Variants in ACSL5 observed in about 807,000 individuals in gnomAD.
ACSL5 encodes the protein long-chain-fatty-acid--CoA ligase 5.
In ACSL5, 50 loss-of-function variants were observed where a neutral mutation model predicts 84.9. The observed-to-expected ratio is 0.59, with a 90% CI of 0.47 to 0.75. ACSL5 has a LOEUF of 0.75. ACSL5 is among the 30% of genes least tolerant of loss of function. ACSL5 has a pLI of 0.00. For missense variants in ACSL5, 775 were observed against 830.4 expected, an observed-to-expected ratio of 0.93 and a Z score of 0.82; for synonymous variants, 280 against 300.7, an observed-to-expected ratio of 0.93 and a Z score of 0.71.
chr10:112,376,577 G>T, intron 1 of ACSL5: 1 of 1,312,152 alleles, frequency 7.6e-7, no homozygotes, highest in Non-Finnish European at 1.1e-6. Context: ...TGAGTTCCAC[G>T]GGCACATCAT....
Position 112,426,857 on chromosome 10 carries a change from C to T in ACSL5, c.1909C>T (p.Gln637Ter). Reference protein sequence around the residue: ...GKESGLKTFEQVKAIFLHPEP... With the variant: ...GKESGLKTFE ...AGAAAGTGGCCTTAAAACTTTTGAA[C>T]AGGTGTGTGCTACCACTGATGTTAT... Residue 637 changes from glutamine (Q) to a stop codon, truncating the protein, a stop_gained and splice_region_variant, in exon 20 of 21, where the codon CAG (glutamine) becomes TAG (stop). Coordinates refer to ENST00000354655, the MANE Select transcript of ACSL5 (RefSeq NM_203379.2). LOFTEE classifies it high-confidence loss of function. 1 of 1,610,510 alleles carries T rather than the reference C, an allele frequency of 6.2e-7. No homozygotes were observed. Among genetic ancestry groups the T allele is most frequent in the Non-Finnish European group, 8.5e-7 (1 of 1,176,768 alleles).
rs531114802 is a variant in ACSL5 at position 112,399,000 on chromosome 10, G to A, written c.256G>A (p.Ala86Thr). 23 of 1,613,286 alleles carry A rather than the reference G, an allele frequency of 1.4e-5. No individual in the cohort carries two copies. The East Asian group carries it at 1.6e-4, about 11-fold the overall frequency. ...GTATGAGGTTTTCCAAAGAGGACTC[G>A]CTGTGTCTGGTAAGCCTGGTGGTCT... ...TMYEVFQRGL[A>T]VSDNGPCLGY... is the part of the protein sequence containing the mutation. Residue 86 changes from alanine (A) to threonine (T), a missense_variant, in exon 3 of 21, where the codon GCT (alanine) becomes ACT (threonine). Coordinates refer to ENST00000354655, the MANE Select transcript of ACSL5 (RefSeq NM_203379.2).
intron 1 of ACSL5, among the ~76,000 whole-genome samples, chr10:112,374,501 GA>G (rs1455365580): frequency 6.6e-6 from 1 of 152,186 alleles, no homozygotes; most frequent in African/African-American, 2.4e-5. Context: ...GCTAGCAGGG[GA>G]TGGAATTGGA....
chr10:112,404,413 T>C, intron 3 of ACSL5, 98 bp from the exon 4 acceptor site: 2 of 870,588 alleles, frequency 2.3e-6, no homozygotes, highest in Non-Finnish European at 3.7e-6. Flanking sequence ...TTGTTGGACT[T>C]ACCCTTTGTG....
intron 4 of ACSL5, 33 bp from the exon 5 acceptor site, chr10:112,404,668 TTCTC>T: frequency 1.9e-6 from 3 of 1,590,824 alleles, no homozygotes; most frequent in Non-Finnish European, 1.7e-6. Context: ...TCTTGACCTC[TTCTC>T]TCTCTCTCTC....
At chr10:112,411,629 C>T (rs1748470102) in intron 10 of ACSL5, 100 bp downstream of exon 10, 12 of 531,280 alleles carry the variant, frequency 2.3e-5, no homozygotes, top group Non-Finnish European at 3.0e-5. Flanking sequence ...CACACACATA[C>T]ACACACACAC....
chr10:112,409,737 G>A (rs1381843345), intron 7 of ACSL5, 52 bp downstream of exon 7: 1 of 1,570,862 alleles, frequency 6.4e-7, no homozygotes, highest in Non-Finnish European at 8.7e-7. Flanking sequence ...AACACCTTGG[G>A]CAACTTGCAA....
At chr10:112,383,054 A>G (rs1318262313) in intron 1 of ACSL5, among the ~76,000 whole-genome samples, 1 of 152,212 alleles carries the variant, frequency 6.6e-6, no homozygotes, top group Non-Finnish European at 1.5e-5. Flanking sequence ...GGATCGCTTC[A>G]GCCCAGGAGT....
At chr10:112,401,904 CT>C (rs1407062872) in intron 3 of ACSL5, among the ~76,000 whole-genome samples, 10 of 142,932 alleles carry the variant, frequency 7.0e-5, no homozygotes, top group Non-Finnish European at 1.5e-4. Context: ...CTTTCCTTTT[CT>C]TTCTTTCTTT....
chr10:112,374,648 A>G (rs1849205351), intron 1 of ACSL5, among the ~76,000 whole-genome samples: 1 of 152,180 alleles, frequency 6.6e-6, no homozygotes, highest in Non-Finnish European at 1.5e-5. Flanking sequence ...AGAGAGTCCC[A>G]TTTGGCAGAC....
intron 7 of ACSL5, among the ~76,000 whole-genome samples, chr10:112,409,966 A>G (rs1261915873): frequency 6.6e-6 from 1 of 152,206 alleles, no homozygotes; most frequent in Non-Finnish European, 1.5e-5. Flanking sequence ...TCCTGGAGCC[A>G]GGCTGCTTGG....
intron 1 of ACSL5, among the ~76,000 whole-genome samples, chr10:112,392,290 G>A (rs1415859653): frequency 6.6e-6 from 1 of 150,832 alleles, no homozygotes; most frequent in South Asian, 2.1e-4. Flanking sequence ...TGGGCAGCAT[G>A]GTGAGGCTGT....
intron 3 of ACSL5, among the ~76,000 whole-genome samples, chr10:112,399,980 G>A (rs926691700): frequency 3.9e-5 from 6 of 152,144 alleles, no homozygotes; most frequent in Admixed American, 2.0e-4. Flanking sequence ...AGGTTAGCTC[G>A]TAAGTGTTTT....
At chr10:112,422,557 G>GTACAAACCTAATCCCCTCCA in intron 17 of ACSL5, 116 bp downstream of exon 17, 1 of 959,742 alleles carries the variant, frequency 1.0e-6, no homozygotes, top group Non-Finnish European at 1.6e-6. Flanking sequence ...CAGCTGGAGG[G>GTACAAACCTAATCCCCTCCA]GATTAGGTTT....
chr10:112,426,548 A>G (rs1376257266), intron 19 of ACSL5, 189 bp downstream of exon 19: 15 of 621,640 alleles, frequency 2.4e-5, no homozygotes, highest in Non-Finnish European at 3.7e-5. Context: ...TAATATGTTC[A>G]TTGTGGGAAA....
rs950077414 is a variant in ACSL5, at chr10:112,428,223, A to C, written c.*865A>C. 6 of 377,318 alleles carry C rather than the reference A, an allele frequency of 1.6e-5. No individual in the cohort carries two copies. Among genetic ancestry groups the C allele is most frequent in the Non-Finnish European group, 2.8e-5 (6 of 213,056 alleles). The allele number at this position is 377,318 out of a possible 1,614,324, so 23.4% of individuals were successfully genotyped here. A position where few individuals can be genotyped will look rare whatever the true frequency, so the allele number is the denominator to read the frequency against. Reference sequence around the variant, plus strand: ...AACTGGGAACAAAGATCTACAGGCAAGCAAGATGCCCACACAACAGGCTTA... The same window carrying C: ...AACTGGGAACAAAGATCTACAGGCACGCAAGATGCCCACACAACAGGCTTA... On this transcript the variant is annotated 3_prime_UTR_variant, in exon 21 of 21. Coordinates refer to ENST00000354655, the MANE Select transcript of ACSL5 (RefSeq NM_203379.2).
chr10:112,378,017 G>A (rs1849273790), intron 1 of ACSL5, among the ~76,000 whole-genome samples: 1 of 152,078 alleles, frequency 6.6e-6, no homozygotes, highest in African/African-American at 2.4e-5. Flanking sequence ...AGGCTATATT[G>A]TAATTTTTTG....
intron 10 of ACSL5, 57 bp downstream of exon 10, chr10:112,411,586 T>G: frequency 1.3e-6 from 2 of 1,532,002 alleles, no homozygotes; most frequent in Non-Finnish European, 1.8e-6. Flanking sequence ...TCATAAGATT[T>G]TTATTTTTGA....
chr10:112,391,238 G>T (rs138561741), intron 1 of ACSL5, among the ~76,000 whole-genome samples: 9 of 152,044 alleles, frequency 5.9e-5, no homozygotes, highest in African/African-American at 2.2e-4. Flanking sequence ...AGTTAGTTGC[G>T]CATGGTGGCA....
Sources: allele counts gnomAD v4.1 joint callset (sites outside exome capture counted in the v4.1 genomes callset), GRCh38; gene constraint gnomAD v4.1.1; transcripts MANE v1.5; gene names NCBI Gene and HGNC (gene_info 2026-07-23, HGNC 2026-07-21).